Variants in BRF1 observed in about 807,000 individuals in gnomAD.
The protein encoded by BRF1 is BRF1 general transcription factor IIIB subunit.
A neutral mutation model predicts 81.7 loss-of-function variants in BRF1; 59 were observed. The observed-to-expected ratio is 0.72, with a 90% CI of 0.59 to 0.90. The LOEUF (loss-of-function observed/expected upper bound fraction) is 0.90, where lower values mean the gene tolerates loss of function less well. Among genes scored for constraint, BRF1 ranks in the 40% least tolerant of loss-of-function variants. The probability of loss-of-function intolerance (pLI) is 0.00; values close to 1 mark genes in which losing one functional copy is unlikely to be tolerated. For missense variants in BRF1, 1,050 were observed against 936.3 expected (o/e 1.12, Z -1.58); for synonymous variants, 491 against 395.6 (o/e 1.24, Z -2.86).
chr14:105,241,652 G>T, intron 5 of BRF1: 1 of 580,232 alleles, frequency 1.7e-6, no homozygotes, highest in South Asian at 2.0e-5. Context: ...ACACGCTAGG[G>T]CCAGGCAGCG....
At chr14:105,219,364 G>A (rs113267651) in intron 12 of BRF1, 132 bp from the exon 13 acceptor site, 16 of 1,501,844 alleles carry the variant, frequency 1.1e-5, no homozygotes, top group East Asian at 7.2e-5. Flanking sequence ...TATTTAGTGC[G>A]GAGCCTGGGC....
At chr14:105,216,060 G>C (rs1891226148) in intron 15 of BRF1, among the ~76,000 whole-genome samples, 1 of 137,136 alleles carries the variant, frequency 7.3e-6, no homozygotes, top group Non-Finnish European at 1.6e-5. Flanking sequence ...ACAGACACAG[G>C]CACACACACA....
At chr14:105,228,760 C>T (rs892186383) in intron 7 of BRF1, 60 bp downstream of exon 7, 14 of 1,589,840 alleles carry the variant, frequency 8.8e-6, no homozygotes, top group Non-Finnish European at 1.2e-5. Context: ...GGCAAGCAGG[C>T]CTGAGCTGGA....
At chr14:105,214,203 G>C (rs1295658380) in intron 15 of BRF1, among the ~76,000 whole-genome samples, 2 of 152,244 alleles carry the variant, frequency 1.3e-5, no homozygotes, top group Non-Finnish European at 2.9e-5. Context: ...TCATCTGGTG[G>C]GCCCCCACTT....
chr14:105,229,313 CA>C (rs1184171706), intron 6 of BRF1, among the ~76,000 whole-genome samples: 1 of 152,200 alleles, frequency 6.6e-6, no homozygotes, highest in African/African-American at 2.4e-5. Context: ...GACACAGGTT[CA>C]CCAAGGCCAC....
At chr14:105,250,625 A>C in intron 5 of BRF1, 1 of 1,613,728 alleles carries the variant, frequency 6.2e-7, no homozygotes, top group Middle Eastern at 1.7e-4. Context: ...CACCAACGGG[A>C]CTGGGGTCCA....
At chr14:105,256,166 A>C (rs902287345) in intron 4 of BRF1, 1 of 1,489,162 alleles carries the variant, frequency 6.7e-7, no homozygotes, top group Non-Finnish European at 8.9e-7. Context: ...AAAAGAAATA[A>C]TCTCCTATAC....
In BRF1 at chr14:105,217,723, C is replaced by T. The variant is rs1351479897; in HGVS notation, c.1593G>A (p.Gln531=). The change falls in exon 15 of 18, where the codon CAG becomes CAA. Residue 531 remains glutamine (Q), a synonymous_variant. Coordinates refer to ENST00000547530, the MANE Select transcript of BRF1 (RefSeq NM_001519.4). ...AREAIEKMLE[Q]KKISSKINYS... is the part of the protein sequence containing the mutation. ...AATTGATCTTGCTGGAGATCTTCTT[C>T]TGCTCCAGCATCTTCTCGATGGCCT... The T allele has an allele frequency of 1.9e-6, 3 of 1,613,486 alleles. No homozygotes were observed.
In BRF1 at chr14:105,241,405, A is replaced by T. The variant is rs768374361; in HGVS notation, c.554T>A (p.Leu185Gln). ...CINAPAIDPC[L>Q]YIPRFAHLLE... The stretch of plus-strand genomic sequence containing the variant: ...CAGGTGCGCAAAGCGTGGAATATAC[A>T]GGCACGGGTCTGCGGCAGACACAGC... Residue 185 changes from leucine to glutamine, a missense_variant, in exon 6 of 18, where the codon CTG becomes CAG. Leu to Gln is a moderately radical substitution (Grantham distance 113, BLOSUM62 -2). This residue lies in a region of BRF1 where 1,043 missense variants were observed against 915.4 expected (regional missense o/e 1.14). Transcript: ENST00000547530. 3.1e-6 allele frequency: 5 copies of T among 1,612,166 alleles called. No homozygotes were observed. Among genetic ancestry groups the T allele is most frequent in the Non-Finnish European group, 4.2e-6 (5 of 1,179,904 alleles).
At chr14:105,247,578 G>A in intron 5 of BRF1, 1 of 985,424 alleles carries the variant, frequency 1.0e-6, no homozygotes, top group Non-Finnish European at 1.2e-6. Flanking sequence ...CACTACAACT[G>A]TAACGACCAC....
chr14:105,268,887 G>C (rs184268817), intron 3 of BRF1, among the ~76,000 whole-genome samples: 18 of 152,286 alleles, frequency 1.2e-4, no homozygotes, highest in African/African-American at 4.1e-4. Flanking sequence ...GCCCTGTCTC[G>C]GAGAAGAGAG....
Position 105,311,736 on chromosome 14 carries a change from G to A in BRF1, c.-162+3586C>T, listed in dbSNP as rs942780065. Reference sequence around the variant, plus strand: ...ACTGTCCACAGGTGCGGCTGCGGGTGCAGCGATCTCAGCGGTCTTAGAGCT... The same window carrying A: ...ACTGTCCACAGGTGCGGCTGCGGGTACAGCGATCTCAGCGGTCTTAGAGCT... On this transcript the variant is annotated intron_variant, in intron 1 of 17. Coordinates refer to the BRF1 transcript ENST00000327359. 7.7e-4 allele frequency among the ~76,000 whole-genome samples: 117 copies of A among 152,350 alleles called. 1 individual carries two copies. Among genetic ancestry groups the A allele is most frequent in the African/African-American group, 2.7e-3 (114 of 41,584 alleles).
At chr14:105,224,861 A>G (rs1272250871) in intron 10 of BRF1, among the ~76,000 whole-genome samples, 1 of 152,158 alleles carries the variant, frequency 6.6e-6, no homozygotes, top group Non-Finnish European at 1.5e-5. Flanking sequence ...CTAGTCTTAG[A>G]CTGCTTTCTT....
At chr14:105,270,694 G>A (rs952415780) in intron 3 of BRF1, among the ~76,000 whole-genome samples, 1 of 151,772 alleles carries the variant, frequency 6.6e-6, no homozygotes, top group Non-Finnish European at 1.5e-5. Flanking sequence ...GAGAGGCTAA[G>A]GCACAAGAAT....
chr14:105,220,207 C>G, intron 11 of BRF1, 77 bp from the exon 12 acceptor site: 1 of 1,572,608 alleles, frequency 6.4e-7, no homozygotes, highest in Non-Finnish European at 8.7e-7. Context: ...TGGGCTGGCT[C>G]AGGACCCTGG....
At chr14:105,245,307 G>C (rs1003043198) in intron 5 of BRF1, among the ~76,000 whole-genome samples, 22 of 152,272 alleles carry the variant, frequency 1.4e-4, no homozygotes, top group African/African-American at 4.8e-4. Flanking sequence ...GTTGCAGTGA[G>C]CTGAGATCGT....
intron 4 of BRF1, among the ~76,000 whole-genome samples, chr14:105,254,886 G>A (rs1352089764): frequency 1.3e-5 from 2 of 152,198 alleles, no homozygotes; most frequent in East Asian, 3.8e-4. Flanking sequence ...TCTTTACAGA[G>A]TTGCTACCAT....
At chr14:105,274,485 G>T (rs1441595111) in intron 2 of BRF1, among the ~76,000 whole-genome samples, 1 of 152,142 alleles carries the variant, frequency 6.6e-6, no homozygotes, top group Non-Finnish European at 1.5e-5. Flanking sequence ...CCATGGTAAG[G>T]GCATGCCCAG....
intron 1 of BRF1, among the ~76,000 whole-genome samples, chr14:105,313,730 G>A (rs931245755): frequency 1.5e-4 from 23 of 152,242 alleles, no homozygotes; most frequent in African/African-American, 5.3e-4. Flanking sequence ...AGGGCGAAGA[G>A]AAAAGCAACT....
Sources: allele counts gnomAD v4.1 joint callset (sites outside exome capture counted in the v4.1 genomes callset), GRCh38; gene constraint gnomAD v4.1.1; regional missense constraint gnomAD v4.1.1; transcripts MANE v1.5; gene names NCBI Gene and HGNC (gene_info 2026-07-23, HGNC 2026-07-21).